Variants in ADGRL4 observed in about 807,000 individuals in gnomAD.
The protein encoded by ADGRL4 is adhesion G protein-coupled receptor L4.
In ADGRL4, 90 loss-of-function variants were observed where a neutral mutation model predicts 74.8. That is an observed-to-expected ratio of 1.20 (90% CI 1.02 to 1.43). ADGRL4 has a LOEUF of 1.43. ADGRL4 is among the 40% of genes most tolerant of loss of function. The probability of loss-of-function intolerance (pLI) is 0.00; values close to 1 mark genes in which losing one functional copy is unlikely to be tolerated. For missense variants in ADGRL4, 881 were observed against 814.3 expected (o/e 1.08, Z -1.00); for synonymous variants, 311 against 279.2 (o/e 1.11, Z -1.14).
At chr1:78,932,021 G>A (rs1471550726) in intron 7 of ADGRL4, among the ~76,000 whole-genome samples, 1 of 151,394 alleles carries the variant, frequency 6.6e-6, no homozygotes, top group Non-Finnish European at 1.5e-5. Flanking sequence ...ACAGATCAAT[G>A]AGACAGAAAA....
chr1:78,949,880 T>C (rs1409416830), intron 2 of ADGRL4, among the ~76,000 whole-genome samples: 1 of 152,168 alleles, frequency 6.6e-6, no homozygotes, highest in East Asian at 1.9e-4. Context: ...TTAAAATGTT[T>C]TAATAAGGAA....
At chr1:78,950,554 A>G (rs1649702320) in intron 2 of ADGRL4, among the ~76,000 whole-genome samples, 1 of 152,162 alleles carries the variant, frequency 6.6e-6, no homozygotes, top group Admixed American at 6.5e-5. Context: ...ACTAACCAAA[A>G]CAGAATCAAG....
chr1:78,929,437 C>A (rs1000749790), intron 7 of ADGRL4, among the ~76,000 whole-genome samples: 2 of 151,234 alleles, frequency 1.3e-5, no homozygotes, highest in Non-Finnish European at 2.9e-5. Flanking sequence ...ATCACTGGAG[C>A]CCTGGGAGGT....
At chr1:78,917,400 T>C (rs1437723069) in intron 12 of ADGRL4, among the ~76,000 whole-genome samples, 1 of 150,722 alleles carries the variant, frequency 6.6e-6, no homozygotes, top group Non-Finnish European at 1.5e-5. Context: ...ATTTAAAAAG[T>C]ATTATTATAT....
rs1477127730 is a variant in ADGRL4 at position 78,936,543 on chromosome 1, T to C, written c.761-132A>G. ...TTATTTATAACAAGTAGAGTGAACA[T>C]TCTTAATGTGTTTGGACAATGTAAT... is the stretch of plus-strand genomic sequence containing the variant. On this transcript the variant is annotated intron_variant, in intron 6 of 14. Transcript: ENST00000370742. 3 of 834,310 alleles carry C rather than the reference T, an allele frequency of 3.6e-6. No individual in the cohort carries two copies. The East Asian group carries it at 9.9e-5, about 27-fold the overall frequency. 51.7% of individuals were successfully genotyped at this position (834,310 alleles called of 1,614,324 possible). A position where few individuals can be genotyped will look rare whatever the true frequency, so the allele number is the denominator to read the frequency against.
At chr1:78,963,839 A>G (rs1196115270) in intron 2 of ADGRL4, among the ~76,000 whole-genome samples, 1 of 152,218 alleles carries the variant, frequency 6.6e-6, no homozygotes, top group Non-Finnish European at 1.5e-5. Context: ...CAATTCTTAG[A>G]TGAGTTCATT....
chr1:78,949,136 A>G (rs143091138), intron 2 of ADGRL4, among the ~76,000 whole-genome samples: 8 of 152,230 alleles, frequency 5.3e-5, no homozygotes, highest in Non-Finnish European at 1.2e-4. Flanking sequence ...AGCTGTAAAA[A>G]TGATATGCAA....
chr1:78,910,462 T>C (rs1037796827), intron 12 of ADGRL4, among the ~76,000 whole-genome samples: 5 of 151,820 alleles, frequency 3.3e-5, no homozygotes, highest in African/African-American at 1.2e-4. Context: ...AAATGAAACC[T>C]CACAGTTTTT....
chr1:78,989,311 ATTT>A (rs1650557675), intron 2 of ADGRL4, among the ~76,000 whole-genome samples: 1 of 151,838 alleles, frequency 6.6e-6, no homozygotes, highest in South Asian at 2.1e-4. Flanking sequence ...TATACATATG[ATTT>A]AGGAAAAGTT....
intron 2 of ADGRL4, among the ~76,000 whole-genome samples, chr1:78,970,510 C>T (rs1650147240): frequency 6.6e-6 from 1 of 152,070 alleles, no homozygotes; most frequent in South Asian, 2.1e-4. Context: ...ACTTTGGCAC[C>T]AATGCCAGCA....
chr1:78,999,839 T>TCTATCTAC (rs1426981277), intron 2 of ADGRL4, among the ~76,000 whole-genome samples: 5,255 of 111,226 alleles, frequency 0.047, 198 homozygotes, highest in East Asian at 0.08. Flanking sequence ...TATCTATCTA[T>TCTATCTAC]CTACCTACCT....
rs575102952 is a variant in ADGRL4, at chr1:78,918,106, T to C, written c.1462-56A>G. On this transcript the variant is annotated intron_variant, in intron 10 of 14. Coordinates refer to ENST00000370742, the MANE Select transcript of ADGRL4 (RefSeq NM_022159.4). Reference sequence around the variant, plus strand: ...GTCAGTGTTTGTTTTAAAATTATCATAACATACAATCTCTACTTTCGCTGT... The same window carrying C: ...GTCAGTGTTTGTTTTAAAATTATCACAACATACAATCTCTACTTTCGCTGT... The C allele has an allele frequency of 2.5e-4, 345 of 1,395,692 alleles. 4 individuals carry two copies. In the South Asian group the frequency reaches 2.8e-3, roughly 12 times the overall value. The allele number at this position is 1,395,692 out of a possible 1,614,324, so 86.5% of individuals were successfully genotyped here.
chr1:78,974,442 A>G (rs1283444302), intron 2 of ADGRL4, among the ~76,000 whole-genome samples: 9 of 152,208 alleles, frequency 5.9e-5, no homozygotes, highest in African/African-American at 2.2e-4. Context: ...AAAAGAATGG[A>G]AATGTACACA....
At chr1:78,943,967 C>T (rs1323311462) in intron 3 of ADGRL4, among the ~76,000 whole-genome samples, 1 of 152,146 alleles carries the variant, frequency 6.6e-6, no homozygotes, top group Non-Finnish European at 1.5e-5. Flanking sequence ...AGCACAAACT[C>T]AGGCCCATTC....
At chr1:78,960,778 C>A (rs1436814954) in intron 2 of ADGRL4, among the ~76,000 whole-genome samples, 1 of 152,110 alleles carries the variant, frequency 6.6e-6, no homozygotes, top group Non-Finnish European at 1.5e-5. Flanking sequence ...TTTACCCCTT[C>A]CACCCTGCAA....
intron 8 of ADGRL4, among the ~76,000 whole-genome samples, chr1:78,925,886 G>T (rs1360731342): frequency 6.6e-6 from 1 of 151,980 alleles, no homozygotes; most frequent in East Asian, 1.9e-4. Flanking sequence ...ACAGTGTTTG[G>T]TTTCTAGTAT....
intron 13 of ADGRL4, 91 bp downstream of exon 13, chr1:78,893,007 A>T (rs1648317038): frequency 2.6e-6 from 2 of 756,246 alleles, no homozygotes; most frequent in Admixed American, 5.8e-5. Flanking sequence ...AATCATTTAA[A>T]AATAATTCCC....
intron 2 of ADGRL4, among the ~76,000 whole-genome samples, chr1:78,950,825 A>G (rs1466938337): frequency 2.6e-5 from 4 of 152,164 alleles, no homozygotes; most frequent in African/African-American, 9.7e-5. Flanking sequence ...ACTTGGAGCG[A>G]TCTGGTGGAT....
At chr1:78,925,732 G>A (rs1352699831) in intron 8 of ADGRL4, among the ~76,000 whole-genome samples, 3 of 151,986 alleles carry the variant, frequency 2.0e-5, no homozygotes, top group South Asian at 2.1e-4. Flanking sequence ...AGGAATTACC[G>A]TGAAGAGTTT....
Sources: gnomAD v4.1 joint callset for allele counts (sites outside exome capture counted in the v4.1 genomes callset) on GRCh38, gnomAD v4.1.1 for gene constraint, MANE v1.5 for transcripts, NCBI Gene and HGNC (gene_info 2026-07-23, HGNC 2026-07-21) for gene names.